The following SPOCK3 variants were observed in gnomAD, a reference collection of about 807,000 sequenced individuals.
SPOCK3 encodes the protein SPARC (osteonectin), cwcv and kazal like domains proteoglycan 3.
Under a neutral mutation model 56.6 loss-of-function variants are expected in SPOCK3, and 30 were observed. The observed-to-expected ratio is 0.53, with a 90% CI of 0.40 to 0.72. SPOCK3 has a LOEUF of 0.72. SPOCK3 is among the 30% of genes least tolerant of loss of function. SPOCK3 has a pLI of 0.00. For missense variants in SPOCK3, 527 were observed against 530.0 expected, an observed-to-expected ratio of 0.99 and a Z score of 0.06; for synonymous variants, 196 against 183.3, an observed-to-expected ratio of 1.07 and a Z score of -0.56.
chr4:167,173,171 T>A (rs190799984), intron 2 of SPOCK3, among the ~76,000 whole-genome samples: 28 of 152,268 alleles, frequency 1.8e-4, no homozygotes, highest in Admixed American at 5.9e-4. Context: ...GAGAAATGGA[T>A]ACCCGTAAGC....
intron 2 of SPOCK3, among the ~76,000 whole-genome samples, chr4:167,183,865 T>C (rs916746119): frequency 6.6e-6 from 1 of 152,116 alleles, no homozygotes; most frequent in Non-Finnish European, 1.5e-5. Flanking sequence ...TCAGGGCCCA[T>C]TAAAGGAAGA....
chr4:167,127,466 C>T (rs974884228), intron 2 of SPOCK3, among the ~76,000 whole-genome samples: 75 of 150,546 alleles, frequency 5.0e-4, no homozygotes, highest in Non-Finnish European at 8.6e-4. Context: ...CTCACTCTGT[C>T]GCCCAGGCTG....
At chr4:166,756,582 T>C (rs1400131634) in intron 7 of SPOCK3, among the ~76,000 whole-genome samples, 2 of 7,630 alleles carry the variant, frequency 2.6e-4, no homozygotes, top group East Asian at 2.6e-3. Context: ...GGTCCCTGAC[T>C]CCTGACCCCC....
chr4:166,918,611 A>G (rs1459478540), intron 4 of SPOCK3: 2 of 151,944 alleles, frequency 1.3e-5, no homozygotes, highest in African/African-American at 4.8e-5. Flanking sequence ...TTTGCTCTAT[A>G]TATTTTCAAA....
At chr4:166,841,322 G>T (rs998425867) in intron 6 of SPOCK3, among the ~76,000 whole-genome samples, 1 of 152,020 alleles carries the variant, frequency 6.6e-6, no homozygotes, top group African/African-American at 2.4e-5. Context: ...CATACCAGTA[G>T]GATGTCACAG....
intron 7 of SPOCK3, among the ~76,000 whole-genome samples, chr4:166,781,272 A>G (rs1214049506): frequency 6.6e-6 from 1 of 152,200 alleles, no homozygotes; most frequent in East Asian, 1.9e-4. Context: ...TCAGAGAAAT[A>G]CTTTAAAATT....
chr4:167,123,304 A>G (rs577652146), intron 2 of SPOCK3, among the ~76,000 whole-genome samples: 1 of 152,328 alleles, frequency 6.6e-6, no homozygotes, highest in African/African-American at 2.4e-5. Context: ...GCTATATATC[A>G]TTAGAAGTCC....
intron 2 of SPOCK3, among the ~76,000 whole-genome samples, chr4:167,184,132 T>C (rs760222546): frequency 6.6e-6 from 1 of 152,232 alleles, no homozygotes; most frequent in Admixed American, 6.5e-5. Flanking sequence ...AAAATGAGGC[T>C]TCAATATTGA....
At chr4:167,180,518 G>A (rs145989681) in intron 2 of SPOCK3, among the ~76,000 whole-genome samples, 112 of 152,270 alleles carry the variant, frequency 7.4e-4, no homozygotes, top group East Asian at 2.5e-3. Context: ...GAGAGGTTAC[G>A]TTTCTATAAA....
At position 166,913,027 on chromosome 4, in the gene SPOCK3, G is replaced by A. The variant is rs10034834; in HGVS notation, c.351-284C>T. 5.8e-3 allele frequency among the ~76,000 whole-genome samples: 879 copies of A among 152,130 alleles called. 12 individuals carry two copies. The highest frequency in any genetic ancestry group is 0.02 in the African/African-American group (846 of 41,506). On this transcript the variant is annotated intron_variant, in intron 4 of 10. Coordinates refer to ENST00000357545, the MANE Select transcript of SPOCK3 (RefSeq NM_001040159.2). ...TTTCTTCATGTGAACCCTTTTGATA[G>A]ACTCAGAAACAGAAGCAACACTTGC...
chr4:166,832,954 A>G (rs899735024), intron 6 of SPOCK3, among the ~76,000 whole-genome samples: 1 of 152,158 alleles, frequency 6.6e-6, no homozygotes, highest in Non-Finnish European at 1.5e-5. Context: ...ATTAGGTACT[A>G]TACTCACTAC....
intron 7 of SPOCK3, among the ~76,000 whole-genome samples, chr4:166,765,623 T>C: frequency 6.6e-6 from 1 of 152,246 alleles, no homozygotes; most frequent in Non-Finnish European, 1.5e-5. Flanking sequence ...GGTAGCGTGA[T>C]GCCTCCAGCT....
chr4:166,997,645 T>G (rs974493503), intron 4 of SPOCK3, among the ~76,000 whole-genome samples: 8 of 152,176 alleles, frequency 5.3e-5, no homozygotes, highest in Admixed American at 5.2e-4. Flanking sequence ...ACACCTTCAC[T>G]GAGCTCAGTC....
At chr4:167,186,014 T>C (rs1235135479) in intron 2 of SPOCK3, among the ~76,000 whole-genome samples, 1 of 152,144 alleles carries the variant, frequency 6.6e-6, no homozygotes, top group Non-Finnish European at 1.5e-5. Flanking sequence ...AGATTTATTT[T>C]ACAACAGAGC....
chr4:166,779,971 T>C (rs1401107085), intron 7 of SPOCK3, among the ~76,000 whole-genome samples: 1 of 152,076 alleles, frequency 6.6e-6, no homozygotes, highest in African/African-American at 2.4e-5. Flanking sequence ...AAAAAAATAA[T>C]TGAAAACTTT....
chr4:167,197,753 T>C (rs1733101256), intron 2 of SPOCK3, among the ~76,000 whole-genome samples: 1 of 152,176 alleles, frequency 6.6e-6, no homozygotes, highest in East Asian at 1.9e-4. Context: ...TAAGTTTGTG[T>C]TCAAAAAATA....
At chr4:167,054,470 T>C (rs948970072) in intron 3 of SPOCK3, among the ~76,000 whole-genome samples, 1 of 152,208 alleles carries the variant, frequency 6.6e-6, no homozygotes, top group Non-Finnish European at 1.5e-5. Context: ...TTATTCAAGA[T>C]GTATGTCCTC....
chr4:167,056,119 G>T (rs1017741676), intron 3 of SPOCK3, among the ~76,000 whole-genome samples: 4 of 152,184 alleles, frequency 2.6e-5, no homozygotes, highest in African/African-American at 7.2e-5. Context: ...CCAGAGGAAC[G>T]ATCAGACAGC....
chr4:167,207,887 T>A (rs931249209), intron 2 of SPOCK3, among the ~76,000 whole-genome samples: 12 of 151,814 alleles, frequency 7.9e-5, no homozygotes, highest in Admixed American at 2.0e-4. Flanking sequence ...AAAAAAAAAA[T>A]TCAGTTTCAG....
Sources: gnomAD v4.1 joint callset for allele counts (sites outside exome capture counted in the v4.1 genomes callset) on GRCh38, gnomAD v4.1.1 for gene constraint, MANE v1.5 for transcripts, NCBI Gene and HGNC (gene_info 2026-07-23, HGNC 2026-07-21) for gene names.